Variants in TDRP observed in about 807,000 individuals in gnomAD.
TDRP encodes testis development-related protein.
TDRP carries 12 observed loss-of-function variants against 10.5 expected under a neutral mutation model. That is an observed-to-expected ratio of 1.15 (90% CI 0.73 to 1.86). TDRP has a LOEUF of 1.86. Among genes scored for constraint, TDRP ranks in the 40% most tolerant of loss-of-function variants. TDRP has a pLI of 0.00. For missense variants in TDRP, 353 were observed against 229.2 expected, an observed-to-expected ratio of 1.54 and a Z score of -3.49; for synonymous variants, 139 against 95.4, an observed-to-expected ratio of 1.46 and a Z score of -2.67.
chr8:528,159 T>C (rs1307360549), intron 1 of TDRP, among the ~76,000 whole-genome samples: 3 of 152,182 alleles, frequency 2.0e-5, no homozygotes, highest in African/African-American at 7.2e-5. Flanking sequence ...TATGAAAAGG[T>C]ATTCAACATC....
At chr8:502,298 T>C (rs145860230) in intron 1 of TDRP, among the ~76,000 whole-genome samples, 5 of 152,202 alleles carry the variant, frequency 3.3e-5, no homozygotes, top group African/African-American at 1.2e-4. Context: ...ATGAACCCAG[T>C]CCTGACATCC....
At chr8:523,032 G>A (rs1358527100) in intron 1 of TDRP, among the ~76,000 whole-genome samples, 4 of 152,114 alleles carry the variant, frequency 2.6e-5, no homozygotes, top group Non-Finnish European at 4.4e-5. Flanking sequence ...ATTACTGATA[G>A]GGTAGGACTT....
intron 1 of TDRP, among the ~76,000 whole-genome samples, chr8:542,795 T>A (rs1299716854): frequency 7.3e-6 from 1 of 136,958 alleles, no homozygotes; most frequent in Non-Finnish European, 1.5e-5. Context: ...CCCGGGAGGG[T>A]GCAGTGAGCT....
rs1800949621 is a variant in TDRP, at chr8:490,834, AACATGTCCC to A, written c.*1556_*1564del. On this transcript the variant is annotated 3_prime_UTR_variant, in exon 3 of 3. Transcript: ENST00000324079. ...GAATTTTTGTTTGAACACCAATTGA[AACATGTCCC>A]CCTTTCAAGACTTGATAAGTAAACT... The A allele has an allele frequency of 6.6e-6, 1 of 152,210 alleles. No individual in the cohort carries two copies. 9.4% of individuals were successfully genotyped at this position (152,210 alleles called of 1,614,324 possible). A position where few individuals can be genotyped will look rare whatever the true frequency, so the allele number is the denominator to read the frequency against.
chr8:494,070 C>T (rs1455008383), intron 2 of TDRP, among the ~76,000 whole-genome samples: 2 of 148,314 alleles, frequency 1.3e-5, no homozygotes, highest in Non-Finnish European at 3.0e-5. Flanking sequence ...AATTCTCCTG[C>T]CTCAGCCTCC....
At chr8:531,015 G>C (rs1006586276) in intron 1 of TDRP, among the ~76,000 whole-genome samples, 1 of 152,138 alleles carries the variant, frequency 6.6e-6, no homozygotes, top group Non-Finnish European at 1.5e-5. Context: ...AGTCAGCACT[G>C]AGTCAGGAGA....
chr8:490,804 A>G lies in TDRP; in HGVS notation c.*1595T>C, dbSNP rs1229093240. The G allele has an allele frequency of 3.9e-5, 6 of 152,220 alleles. No individual in the cohort carries two copies. The highest frequency in any genetic ancestry group is 1.4e-4 in the African/African-American group (6 of 41,456). 9.4% of individuals were successfully genotyped at this position (152,220 alleles called of 1,614,324 possible). A position where few individuals can be genotyped will look rare whatever the true frequency, so the allele number is the denominator to read the frequency against. ...TTCACCATTTCAAGGTTCTAATACA[A>G]GCTGGAATTTTTGTTTGAACACCAA... is the stretch of plus-strand genomic sequence containing the variant. On this transcript the variant is annotated 3_prime_UTR_variant, in exon 3 of 3. Transcript: ENST00000324079.
At chr8:519,409 T>A (rs1345220091) in intron 1 of TDRP, among the ~76,000 whole-genome samples, 1 of 152,314 alleles carries the variant, frequency 6.6e-6, no homozygotes, top group East Asian at 1.9e-4. Context: ...TAGAGTCAGC[T>A]GAGTAGAAGC....
At chr8:511,404 C>A (rs958078311) in intron 1 of TDRP, among the ~76,000 whole-genome samples, 3 of 151,856 alleles carry the variant, frequency 2.0e-5, no homozygotes, top group African/African-American at 7.3e-5. Context: ...AATGCAACAG[C>A]CCATCAGGAA....
intron 1 of TDRP, among the ~76,000 whole-genome samples, chr8:540,471 G>A (rs867150641): frequency 1.4e-4 from 22 of 152,182 alleles, no homozygotes; most frequent in African/African-American, 5.1e-4. Context: ...AAACTTTGAA[G>A]AAGTTAAGAC....
At chr8:502,257 AG>A (rs1801325456) in intron 1 of TDRP, among the ~76,000 whole-genome samples, 1 of 152,254 alleles carries the variant, frequency 6.6e-6, no homozygotes, top group African/African-American at 2.4e-5. Flanking sequence ...GAAGCTATTG[AG>A]AAACTGGCCA....
upstream of TDRP, chr8:544,855 G>A (rs1274634390): frequency 6.3e-6 from 6 of 952,338 alleles, no homozygotes; most frequent in African/African-American, 3.4e-5. Flanking sequence ...CCTGCGGGAC[G>A]CGGGCCCAGT....
intron 1 of TDRP, among the ~76,000 whole-genome samples, chr8:529,498 C>G (rs995018054): frequency 1.3e-5 from 2 of 152,124 alleles, no homozygotes; most frequent in Non-Finnish European, 2.9e-5. Flanking sequence ...TGCTATTTAG[C>G]ATCCTTTCAC....
intron 1 of TDRP, among the ~76,000 whole-genome samples, chr8:541,004 T>A (rs987687840): frequency 2.0e-5 from 3 of 152,226 alleles, no homozygotes; most frequent in African/African-American, 7.2e-5. Context: ...ACTTCTAACA[T>A]GACAGTGAAT....
chr8:545,420 G>T (rs548360311), upstream of TDRP, among the ~76,000 whole-genome samples: 23 of 61,608 alleles, frequency 3.7e-4, no homozygotes, highest in African/African-American at 1.4e-3. Context: ...CTCCCCCGCC[G>T]ACCCCCACTT....
chr8:514,784 C>T (rs1345197), intron 1 of TDRP, among the ~76,000 whole-genome samples: 87,245 of 151,614 alleles, frequency 0.58, 25,278 homozygotes, highest in Admixed American at 0.64. Flanking sequence ...CGAGAAGCAA[C>T]GGGAACATGT....
chr8:506,730 G>A (rs1452208358), intron 1 of TDRP, among the ~76,000 whole-genome samples: 1 of 152,226 alleles, frequency 6.6e-6, no homozygotes, highest in Non-Finnish European at 1.5e-5. Flanking sequence ...AGTCTTGGCT[G>A]AGAGATGTCC....
chr8:538,048 T>A (rs915887442), intron 1 of TDRP, among the ~76,000 whole-genome samples: 1 of 152,220 alleles, frequency 6.6e-6, no homozygotes, highest in Non-Finnish European at 1.5e-5. Context: ...CTTTCACCAC[T>A]GATAAAGAAA....
intron 1 of TDRP, among the ~76,000 whole-genome samples, chr8:515,015 G>A (rs1418439670): frequency 2.0e-5 from 3 of 152,190 alleles, no homozygotes; most frequent in Non-Finnish European, 4.4e-5. Flanking sequence ...CAGCTAATAT[G>A]TATGATTAAA....
Sources: gnomAD v4.1 joint callset for allele counts (sites outside exome capture counted in the v4.1 genomes callset) on GRCh38, gnomAD v4.1.1 for gene constraint, MANE v1.5 for transcripts, NCBI Gene and HGNC (gene_info 2026-07-23, HGNC 2026-07-21) for gene names.